Variants in CSMD1 observed in about 807,000 individuals in gnomAD.
CSMD1 encodes the protein CUB and Sushi multiple domains 1.
In CSMD1, 213 loss-of-function variants were observed where a neutral mutation model predicts 417.5. The ratio of observed to expected loss-of-function variants is 0.51; its 90% CI spans 0.46 to 0.57. CSMD1 has a LOEUF of 0.57. Ranked by LOEUF, CSMD1 falls within the 20% of genes least tolerant of loss-of-function variation. The probability of loss-of-function intolerance (pLI) is 0.00; values close to 1 mark genes in which losing one functional copy is unlikely to be tolerated. For missense variants in CSMD1, 6,923 were observed against 4,529.7 expected, an observed-to-expected ratio of 1.53 and a Z score of -15.17; for synonymous variants, 2,862 against 1,736.8, an observed-to-expected ratio of 1.65 and a Z score of -16.11.
intron 7 of CSMD1, among the ~76,000 whole-genome samples, chr8:3,678,228 C>G (rs1025586223): frequency 4.6e-5 from 7 of 152,178 alleles, no homozygotes; most frequent in Admixed American, 4.6e-4. Flanking sequence ...TTCAGATGAT[C>G]AAACTTCTCC....
At chr8:4,924,641 G>C (rs1348230667) in intron 1 of CSMD1, among the ~76,000 whole-genome samples, 3 of 125,856 alleles carry the variant, frequency 2.4e-5, no homozygotes, top group Non-Finnish European at 4.7e-5. Flanking sequence ...AGAATTACTT[G>C]AAACTGGGAG....
chr8:3,936,219 G>C (rs921397021), intron 5 of CSMD1, among the ~76,000 whole-genome samples: 1 of 151,622 alleles, frequency 6.6e-6, no homozygotes, highest in African/African-American at 2.4e-5. Context: ...TAACATAAAA[G>C]GGCAAGGTAA....
intron 3 of CSMD1, among the ~76,000 whole-genome samples, chr8:4,280,940 C>T (rs1038391861): frequency 3.3e-5 from 5 of 152,146 alleles, no homozygotes; most frequent in Non-Finnish European, 5.9e-5. Flanking sequence ...TACATATCCA[C>T]GTTTTTTCCA....
intron 5 of CSMD1, among the ~76,000 whole-genome samples, chr8:3,919,328 G>A (rs1201155723): frequency 2.6e-5 from 4 of 151,948 alleles, no homozygotes; most frequent in South Asian, 2.1e-4. Flanking sequence ...GGTCTAACAC[G>A]TGGGCCAGTT....
At position 3,873,044 on chromosome 8, in the gene CSMD1, C is replaced by G. The variant is rs574905581; in HGVS notation, c.819-119002G>C. On this transcript the variant is annotated intron_variant, in intron 5 of 69. Transcript: ENST00000635120. ...CTCAGAATTGTTGTTATTAAAAAAT[C>G]AAACAACAACAGATGCTGGCAAGGT... Among the ~76,000 whole-genome samples the G allele has an allele frequency of 1.2e-3, 183 of 151,916 alleles. 1 individual carries two copies. The highest frequency in any genetic ancestry group is 4.3e-3 in the African/African-American group (177 of 41,402).
chr8:3,926,658 A>G (rs1407123623), intron 5 of CSMD1, among the ~76,000 whole-genome samples: 1 of 150,564 alleles, frequency 6.6e-6, no homozygotes, highest in African/African-American at 2.4e-5. Flanking sequence ...TAATTGACCT[A>G]TACTTTTATG....
rs62484630 is a variant in CSMD1 at position 4,829,340 on chromosome 8, A to G, written c.85+164992T>C. ...TAATCTATGTTTTCATTTAACCTACATTACGTGTCTATACTGGGCAACACT... is the reference window on the plus strand; with the variant it reads ...TAATCTATGTTTTCATTTAACCTACGTTACGTGTCTATACTGGGCAACACT... On this transcript the variant is annotated intron_variant, in intron 1 of 69. Coordinates refer to ENST00000635120, the MANE Select transcript of CSMD1 (RefSeq NM_033225.6). Among the ~76,000 whole-genome samples the G allele has an allele frequency of 6.8e-3, 1,037 of 152,326 alleles. 8 individuals carry two copies. Among genetic ancestry groups the G allele is most frequent in the Admixed American group, 0.012 (188 of 15,296 alleles).
rs112039839 is a variant in CSMD1, at chr8:3,076,602, G to A, written c.7474+10495C>T. ...ATTGCTGGAAGATATTCCCATAACT[G>A]CTCTCACTATTTTTAAAAGTTGAAG... On this transcript the variant is annotated intron_variant, in intron 49 of 69. Transcript: ENST00000635120. Among the ~76,000 whole-genome samples, 55 of 152,266 alleles carry A rather than the reference G, an allele frequency of 3.6e-4. 2 individuals carry two copies. Among genetic ancestry groups the A allele is most frequent in the African/African-American group, 1.1e-3 (47 of 41,566 alleles).
At chr8:3,068,166 T>C (rs1238703452) in intron 49 of CSMD1, among the ~76,000 whole-genome samples, 1 of 152,234 alleles carries the variant, frequency 6.6e-6, no homozygotes, top group South Asian at 2.1e-4. Context: ...CAGGTAGTTT[T>C]CACCATTTCT....
At chr8:2,954,732 C>A (rs1802881511) in intron 64 of CSMD1, among the ~76,000 whole-genome samples, 1 of 152,186 alleles carries the variant, frequency 6.6e-6, no homozygotes, top group South Asian at 2.1e-4. Flanking sequence ...TCATTTTGGT[C>A]TATCAAGTTA....
chr8:3,328,910 G>T (rs1200260026), intron 23 of CSMD1, among the ~76,000 whole-genome samples: 1 of 152,120 alleles, frequency 6.6e-6, no homozygotes, highest in Non-Finnish European at 1.5e-5. Context: ...TTCAAAATAA[G>T]ACAGCAAGTA....
At chr8:4,033,293 T>A (rs1797449325) in intron 3 of CSMD1, among the ~76,000 whole-genome samples, 1 of 151,530 alleles carries the variant, frequency 6.6e-6, no homozygotes, top group Non-Finnish European at 1.5e-5. Flanking sequence ...ACAAAAAAAA[T>A]TAGCCGGGCG....
At chr8:4,164,900 T>C (rs1797367576) in intron 3 of CSMD1, among the ~76,000 whole-genome samples, 1 of 150,948 alleles carries the variant, frequency 6.6e-6, no homozygotes, top group African/African-American at 2.4e-5. Flanking sequence ...AATATATATA[T>C]ATGTATATAT....
At chr8:4,271,556 C>T (rs997441609) in intron 3 of CSMD1, among the ~76,000 whole-genome samples, 2 of 150,788 alleles carry the variant, frequency 1.3e-5, no homozygotes, top group Non-Finnish European at 3.0e-5. Context: ...ATTACAATTA[C>T]ATTTCAAAAG....
At chr8:4,496,224 A>G (rs1402446774) in intron 2 of CSMD1, among the ~76,000 whole-genome samples, 4 of 152,132 alleles carry the variant, frequency 2.6e-5, no homozygotes, top group African/African-American at 7.2e-5. Context: ...TTGCAAAGAG[A>G]AAAAAACAAC....
At chr8:3,084,700 G>A (rs1814396309) in intron 49 of CSMD1, among the ~76,000 whole-genome samples, 1 of 151,750 alleles carries the variant, frequency 6.6e-6, no homozygotes, top group Admixed American at 6.6e-5. Context: ...AAAAACTGTT[G>A]GGGCATAAAT....
At chr8:3,645,594 C>T (rs1253896673) in intron 7 of CSMD1, among the ~76,000 whole-genome samples, 1 of 152,124 alleles carries the variant, frequency 6.6e-6, no homozygotes, top group Non-Finnish European at 1.5e-5. Flanking sequence ...TGGGAAGAGT[C>T]AGCCTTCTGC....
chr8:3,754,139 C>T, intron 5 of CSMD1, 97 bp from the exon 6 acceptor site: 1 of 691,918 alleles, frequency 1.4e-6, no homozygotes, highest in South Asian at 1.8e-5. Context: ...TTAAATCCTT[C>T]ATCTTGAGAT....
intron 10 of CSMD1, among the ~76,000 whole-genome samples, chr8:3,510,523 G>A (rs1038489175): frequency 4.0e-5 from 6 of 151,744 alleles, no homozygotes; most frequent in African/African-American, 1.2e-4. Context: ...ATCTTAGAAG[G>A]TCTTTAAAGA....
Sources: gnomAD v4.1 joint callset for allele counts (sites outside exome capture counted in the v4.1 genomes callset) on GRCh38, gnomAD v4.1.1 for gene constraint, MANE v1.5 for transcripts, NCBI Gene and HGNC (gene_info 2026-07-23, HGNC 2026-07-21) for gene names.